The following CD226 variants were observed in gnomAD, a reference collection of about 807,000 sequenced individuals.
CD226 encodes the protein CD226 molecule.
CD226 carries 24 observed loss-of-function variants against 34.9 expected under a neutral mutation model. That is an observed-to-expected ratio of 0.69 (90% CI 0.50 to 0.97). CD226 has a LOEUF of 0.97. Ranked by LOEUF, CD226 falls within the 50% of genes least tolerant of loss-of-function variation. CD226 has a pLI of 0.00. For missense variants in CD226, 397 were observed against 412.7 expected (o/e 0.96, Z 0.33); for synonymous variants, 148 against 147.4 (o/e 1.00, Z -0.03).
At chr18:69,899,761 T>TA (rs1314423077) in intron 2 of CD226, among the ~76,000 whole-genome samples, 2 of 152,154 alleles carry the variant, frequency 1.3e-5, no homozygotes, top group African/African-American at 4.8e-5. Context: ...TGGCTATTAC[T>TA]AAAAAGGCAA....
intron 2 of CD226, among the ~76,000 whole-genome samples, chr18:69,911,639 A>AGAGTGAG (rs2055326642): frequency 6.6e-6 from 1 of 152,174 alleles, no homozygotes; most frequent in African/African-American, 2.4e-5. Context: ...CAATTCACTC[A>AGAGTGAG]AAATGAGGCC....
chr18:69,906,274 GA>G (rs1170325994), intron 2 of CD226, among the ~76,000 whole-genome samples: 1 of 151,540 alleles, frequency 6.6e-6, no homozygotes, highest in Non-Finnish European at 1.5e-5. Context: ...GACTTCCATT[GA>G]AAAAAAAGAT....
chr18:69,949,741 C>T (rs2055832131), upstream of CD226, among the ~76,000 whole-genome samples: 1 of 151,806 alleles, frequency 6.6e-6, no homozygotes. Context: ...ACACACACAA[C>T]ATGCACCCAC....
intron 3 of CD226, among the ~76,000 whole-genome samples, chr18:69,874,059 A>T (rs562308193): frequency 6.6e-6 from 1 of 152,282 alleles, no homozygotes; most frequent in African/African-American, 2.4e-5. Flanking sequence ...TCAATGTCTG[A>T]AAGTTTACCA....
intron 3 of CD226, among the ~76,000 whole-genome samples, chr18:69,884,110 T>C (rs999146): frequency 0.23 from 34,319 of 152,132 alleles, 4,547 homozygotes; most frequent in African/African-American, 0.36. Context: ...ATCCAAGTTC[T>C]CACATGCCCA....
chr18:69,895,594 A>C (rs1985221640), intron 3 of CD226, 107 bp downstream of exon 3: 2 of 805,314 alleles, frequency 2.5e-6, no homozygotes, highest in Non-Finnish European at 4.1e-6. Flanking sequence ...AAAAATGCTG[A>C]ATATGCGCAT....
intron 2 of CD226, among the ~76,000 whole-genome samples, chr18:69,903,997 G>A (rs751997886): frequency 2.0e-5 from 3 of 152,182 alleles, no homozygotes; most frequent in South Asian, 4.2e-4. Context: ...AAAATCGGCC[G>A]TCTTCACAAC....
At chr18:69,903,663 T>C (rs1019644975) in intron 2 of CD226, among the ~76,000 whole-genome samples, 3 of 151,968 alleles carry the variant, frequency 2.0e-5, no homozygotes, top group Admixed American at 6.6e-5. Flanking sequence ...CAGGCATGAA[T>C]ACAAGCAGAA....
intron 2 of CD226, 27 bp downstream of exon 2, chr18:69,946,707 T>TA: frequency 1.4e-5 from 20 of 1,466,224 alleles, no homozygotes; most frequent in Non-Finnish European, 1.6e-5. Context: ...AAAAAGGGAT[T>TA]TAAAAAAAAA....
chr18:69,904,847 T>C (rs1380978503), intron 2 of CD226, among the ~76,000 whole-genome samples: 1 of 152,242 alleles, frequency 6.6e-6, no homozygotes, highest in Non-Finnish European at 1.5e-5. Context: ...GTAGACTTTC[T>C]GCATGGCAGG....
At chr18:69,905,413 G>A (rs1369171045) in intron 2 of CD226, among the ~76,000 whole-genome samples, 1 of 152,174 alleles carries the variant, frequency 6.6e-6, no homozygotes, top group Non-Finnish European at 1.5e-5. Context: ...AGAAAGCAAG[G>A]AAGATGTTTC....
chr18:69,950,971 TTG>T (rs57098005), upstream of CD226, among the ~76,000 whole-genome samples: 15,316 of 132,442 alleles, frequency 0.12, 869 homozygotes, highest in East Asian at 0.19. Context: ...AACTATGATT[TTG>T]TGTGTGTGTG....
chr18:69,887,322 TAC>T (rs5825978), intron 3 of CD226, among the ~76,000 whole-genome samples: 94,991 of 150,218 alleles, frequency 0.63, 30,391 homozygotes, highest in East Asian at 0.89. Flanking sequence ...CACCTACACA[TAC>T]ACACACACAC....
At position 69,857,256 on chromosome 18, in the gene CD226, T is replaced by A. The variant is rs972955245; in HGVS notation, c.*7058A>T. The A allele has an allele frequency of 7.9e-5, 12 of 152,230 alleles. No homozygotes were observed. Among genetic ancestry groups the A allele is most frequent in the Admixed American group, 2.6e-4 (4 of 15,286 alleles). 9.4% of individuals were successfully genotyped at this position (152,230 alleles called of 1,614,324 possible). A position where few individuals can be genotyped will look rare whatever the true frequency, so the allele number is the denominator to read the frequency against. On this transcript the variant is annotated 3_prime_UTR_variant, in exon 6 of 6. Coordinates refer to ENST00000582621, the MANE Select transcript of CD226 (RefSeq NM_001303618.2). Reference sequence around the variant, plus strand: ...AAAGGTTAGAAGAGTAATCTCTATCTCTAGAAGCTACTGAGCCATTACATT... The same window carrying A: ...AAAGGTTAGAAGAGTAATCTCTATCACTAGAAGCTACTGAGCCATTACATT...
chr18:69,957,223 T>TGCCTTTTCTTC (rs1555686523), upstream of CD226: 1 of 152,240 alleles, frequency 6.6e-6, no homozygotes, highest in African/African-American at 2.4e-5. Flanking sequence ...TTTGTTTCTT[T>TGCCTTTTCTTC]GCCTTTTCTT....
At position 69,854,067 on chromosome 18, in the gene CD226, T is replaced by C. The variant is rs1358695814; in HGVS notation, c.*10247A>G. On this transcript the variant is annotated 3_prime_UTR_variant, in exon 6 of 6. Coordinates refer to ENST00000582621, the MANE Select transcript of CD226 (RefSeq NM_001303618.2). ...AACAAAAAACATATGTGTTAAAATGTTTATACATGGAGATCGACTTCTGCC... is the reference window on the plus strand; with the variant it reads ...AACAAAAAACATATGTGTTAAAATGCTTATACATGGAGATCGACTTCTGCC... 1 of 150,692 alleles carries C rather than the reference T, an allele frequency of 6.6e-6. No homozygotes were observed. The highest frequency in any genetic ancestry group is 6.7e-5 in the Admixed American group (1 of 15,012). The allele number at this position is 150,692 out of a possible 1,614,324, so 9.3% of individuals were successfully genotyped here. A position where few individuals can be genotyped will look rare whatever the true frequency, so the allele number is the denominator to read the frequency against.
chr18:69,942,794 C>A (rs2145359033), intron 2 of CD226, among the ~76,000 whole-genome samples: 1 of 152,286 alleles, frequency 6.6e-6, no homozygotes, highest in African/African-American at 2.4e-5. Context: ...GTGCCCTAGT[C>A]AGAGAAGGCC....
At chr18:69,913,120 G>A (rs1407731114) in intron 2 of CD226, among the ~76,000 whole-genome samples, 2 of 152,120 alleles carry the variant, frequency 1.3e-5, no homozygotes, top group African/African-American at 2.4e-5. Context: ...TGGGATAAAC[G>A]GGCTCTGGGA....
intron 3 of CD226, among the ~76,000 whole-genome samples, chr18:69,876,051 A>C (rs377656544): frequency 6.6e-6 from 1 of 152,228 alleles, no homozygotes; most frequent in African/African-American, 2.4e-5. Flanking sequence ...AAATAATCAC[A>C]CTGTATGCCC....
Sources: allele counts gnomAD v4.1 joint callset (sites outside exome capture counted in the v4.1 genomes callset), GRCh38; gene constraint gnomAD v4.1.1; transcripts MANE v1.5; gene names NCBI Gene and HGNC (gene_info 2026-07-23, HGNC 2026-07-21).